The following TMC8 variants were observed in gnomAD, a reference collection of about 807,000 sequenced individuals.
TMC8 encodes the protein transmembrane channel like 8.
TMC8 carries 71 observed loss-of-function variants against 76.0 expected under a neutral mutation model. The ratio of observed to expected loss-of-function variants is 0.93; its 90% CI spans 0.77 to 1.14. TMC8 has a LOEUF of 1.14. Among genes scored for constraint, TMC8 ranks in the 50% most tolerant of loss-of-function variants. TMC8 has a pLI of 0.00. For missense variants in TMC8, 924 were observed against 947.9 expected (o/e 0.97, Z 0.33); for synonymous variants, 433 against 433.8 (o/e 1.00, Z 0.02).
In TMC8 at chr17:78,140,936, TCG is replaced by T. The variant is rs768768678; in HGVS notation, c.2009_2010del (p.Arg670ProfsTer140). On this transcript the variant is annotated frameshift_variant, in exon 16 of 16. Coordinates refer to ENST00000318430, the MANE Select transcript of TMC8 (RefSeq NM_152468.5). LOFTEE classifies it low-confidence loss of function (END_TRUNC). ...PGPKYPASQA[S>X]RPQSFCPGCP... ...CCCCAAGTACCCTGCCTCCCAAGCTTCGCGCCCGCAGTCCTTCTGCCCCGGAT... is the reference window on the plus strand; with the variant it reads ...CCCCAAGTACCCTGCCTCCCAAGCTTCGCCCGCAGTCCTTCTGCCCCGGAT... The T allele has an allele frequency of 3.1e-6, 5 of 1,597,100 alleles. No individual in the cohort carries two copies. The South Asian group carries it at 5.6e-5, about 18-fold the overall frequency.
Position 78,138,430 on chromosome 17 carries a change from C to T in TMC8, c.1615C>T (p.Leu539Phe), listed in dbSNP as rs1351153068. 2.5e-6 allele frequency: 4 copies of T among 1,613,030 alleles called. No homozygotes were observed. Among genetic ancestry groups the T allele is most frequent in the Non-Finnish European group, 3.4e-6 (4 of 1,180,018 alleles). The change falls in exon 13 of 16, where the codon CTC (leucine) becomes TTC (phenylalanine). Residue 539 changes from leucine (L) to phenylalanine (F), a missense_variant. Physicochemically the swap from Leu to Phe is conservative, Grantham distance 22. Transcript: ENST00000318430. ...CACCTTCTTCTTCCAGCTAGTGCTC[C>T]TCCTGGGCCTGCTTCTGGCTGCAGT... is the stretch of plus-strand genomic sequence containing the variant. ...SSTFFFQLVL[L>F]LGLLLAAVPL... is the part of the protein sequence containing the mutation.
chr17:78,138,549 G>A (rs1276672840), intron 13 of TMC8, 25 bp from the exon 14 acceptor site: 1 of 1,613,660 alleles, frequency 6.2e-7, no homozygotes, highest in African/African-American at 1.3e-5. Context: ...CCTGATGCCA[G>A]CCCCACTTGG....
At position 78,134,863 on chromosome 17, in the gene TMC8, C is replaced by T. The variant is rs1211511972; in HGVS notation, c.988-7C>T. ...CGCGGGCTCCCCTGACCTGCCTTTTCCCGCAGGAGTCCCTGTTTCTGCTGC... is the reference window on the plus strand; with the variant it reads ...CGCGGGCTCCCCTGACCTGCCTTTTTCCGCAGGAGTCCCTGTTTCTGCTGC... On this transcript the variant is annotated splice_region_variant and splice_polypyrimidine_tract_variant and intron_variant, in intron 8 of 15. Coordinates refer to ENST00000318430, the MANE Select transcript of TMC8 (RefSeq NM_152468.5). 3 of 1,613,808 alleles carry T rather than the reference C, an allele frequency of 1.9e-6. No homozygotes were observed. Among genetic ancestry groups the T allele is most frequent in the Non-Finnish European group, 2.5e-6 (3 of 1,180,002 alleles).
intron 15 of TMC8, 129 bp from the exon 16 acceptor site, chr17:78,140,705 C>T (rs1003579077): frequency 7.0e-6 from 9 of 1,287,818 alleles, no homozygotes; most frequent in Middle Eastern, 2.6e-4. Flanking sequence ...TGGCCTCGGG[C>T]GGGGCGTGGC....
intron 3 of TMC8, 77 bp downstream of exon 3, chr17:78,132,107 A>G (rs1443457599): frequency 6.5e-7 from 1 of 1,528,440 alleles, no homozygotes; most frequent in East Asian, 2.4e-5. Flanking sequence ...GGAGAGTGGC[A>G]TCATCCCACC....
chr17:78,140,960 G>C lies in TMC8; in HGVS notation c.2029G>C (p.Gly677Arg), dbSNP rs374705997. 7 of 1,593,582 alleles carry C rather than the reference G, an allele frequency of 4.4e-6. No individual in the cohort carries two copies. In the African/African-American group the frequency reaches 8.0e-5, roughly 18 times the overall value. ...TTCGCGCCCGCAGTCCTTCTGCCCC[G>C]GATGCCCATGCCCTGGCTCCCCGGG... ...QASRPQSFCP[G>R]CPCPGSPGHQ... The change falls in exon 16 of 16, where the codon GGA becomes CGA. Residue 677 changes from glycine to arginine, a missense_variant. Coordinates refer to ENST00000318430, the MANE Select transcript of TMC8 (RefSeq NM_152468.5).
rs144120533 is a variant in TMC8 at position 78,138,386 on chromosome 17, C to T, written c.1571C>T (p.Pro524Leu). ...AAGAACTCCAGGGCATCTTCGCGGC[C>T]CTTCCGTGCCTCCAGCTCCACCTTC... is the stretch of plus-strand genomic sequence containing the variant. ...LLKNSRASSRPFRASSSTFFF... is the reference protein window; with the variant it reads ...LLKNSRASSRLFRASSSTFFF... The change falls in exon 13 of 16, where the codon CCC (proline) becomes CTC (leucine). Residue 524 changes from proline to leucine, a missense_variant. Pro to Leu is a moderately conservative substitution (Grantham distance 98, BLOSUM62 -3). Coordinates refer to ENST00000318430, the MANE Select transcript of TMC8 (RefSeq NM_152468.5). 3,939 of 1,611,936 alleles carry T rather than the reference C, an allele frequency of 2.4e-3. 12 individuals carry two copies. The highest frequency in any genetic ancestry group is 3.1e-3 in the Non-Finnish European group (3,688 of 1,179,994).
rs749067644 is a variant in TMC8, at chr17:78,132,406, C to T, written c.346C>T (p.Leu116=). 2 of 1,613,026 alleles carry T rather than the reference C, an allele frequency of 1.2e-6. No homozygotes were observed. Among genetic ancestry groups the T allele is most frequent in the Non-Finnish European group, 1.7e-6 (2 of 1,179,728 alleles). Residue 116 remains leucine (L), a synonymous_variant, in exon 4 of 16, where the codon CTG becomes TTG. Coordinates refer to ENST00000318430, the MANE Select transcript of TMC8 (RefSeq NM_152468.5). ...IRSYFTFLRF[L]LLLNLLSLLL... ...GTCCTACTTCACCTTCCTCCGCTTC[C>T]TGCTGCTACTCAACCTGCTGAGCCT... is the stretch of plus-strand genomic sequence containing the variant.
In TMC8 at chr17:78,140,817, A is replaced by G. The variant is rs2075357505; in HGVS notation, c.1903-17A>G. The stretch of plus-strand genomic sequence containing the variant: ...GAAGCAGCGCCTGTCGCAACTCGCC[A>G]CTTGTTCTCCTCACAGCAGGTTCAG... On this transcript the variant is annotated splice_polypyrimidine_tract_variant and intron_variant, in intron 15 of 15. Transcript: ENST00000318430. 6.3e-7 allele frequency: 1 copy of G among 1,599,192 alleles called. No individual in the cohort carries two copies. The highest frequency in any genetic ancestry group is 8.5e-7 in the Non-Finnish European group (1 of 1,174,124).
At position 78,138,110 on chromosome 17, in the gene TMC8, C is replaced by G. The variant is rs2075282787; in HGVS notation, c.1455C>G (p.Thr485=). Residue 485 remains threonine (T), a synonymous_variant, in exon 12 of 16, where the codon ACC becomes ACG. Transcript: ENST00000318430. ...VLDIVAGQTV[T]WMGLFYCPLL... ...ACATCGTGGCGGGGCAGACGGTCAC[C>G]TGGATGGGCCTCTTCTACTGCCCCC... 1 of 1,613,884 alleles carries G rather than the reference C, an allele frequency of 6.2e-7. No individual in the cohort carries two copies. Among genetic ancestry groups the G allele is most frequent in the Non-Finnish European group, 8.5e-7 (1 of 1,180,006 alleles).
Position 78,134,858 on chromosome 17 carries a change from CT to C in TMC8, c.988-8del. On this transcript the variant is annotated splice_polypyrimidine_tract_variant and intron_variant, in intron 8 of 15. Transcript: ENST00000318430. ...CAGCACGCGGGCTCCCCTGACCTGCCTTTTCCCGCAGGAGTCCCTGTTTCTG... is the reference window on the plus strand; with the variant it reads ...CAGCACGCGGGCTCCCCTGACCTGCCTTTCCCGCAGGAGTCCCTGTTTCTG... 6.2e-7 allele frequency: 1 copy of C among 1,613,738 alleles called. No homozygotes were observed.
chr17:78,133,789 C>T, intron 6 of TMC8, 64 bp from the exon 7 acceptor site: 3 of 1,610,116 alleles, frequency 1.9e-6, no homozygotes, highest in Non-Finnish European at 2.5e-6. Context: ...AGAGCCGAGC[C>T]AAGGCTGAGG....
At chr17:78,134,719 C>T (rs2075174734) in intron 8 of TMC8, 151 bp from the exon 9 acceptor site, 4 of 1,504,198 alleles carry the variant, frequency 2.7e-6, no homozygotes, top group African/African-American at 2.8e-5. Context: ...ACTGGATATT[C>T]CCGCCAACTG....
rs538478931 is a variant in TMC8 at position 78,141,803 on chromosome 17, T to C, written c.*691T>C. 1.3e-5 allele frequency: 2 copies of C among 152,404 alleles called. No individual in the cohort carries two copies. The highest frequency in any genetic ancestry group is 4.1e-4 in the South Asian group (2 of 4,830). 9.4% of individuals were successfully genotyped at this position (152,404 alleles called of 1,614,324 possible). On this transcript the variant is annotated 3_prime_UTR_variant, in exon 16 of 16. Transcript: ENST00000318430. ...CAGCCTCTCCCTGGCGGGAATCCTC[T>C]CCGTCCAGTCTTCTAACCTAGCAGC...
intron 12 of TMC8, 40 bp from the exon 13 acceptor site, chr17:78,138,309 T>C (rs2075288442): frequency 6.2e-7 from 1 of 1,610,842 alleles, no homozygotes; most frequent in African/African-American, 1.3e-5. Context: ...GGGGTCTGCA[T>C]AACTCGCTGA....
chr17:78,137,706 C>A lies in TMC8; in HGVS notation c.1252-11C>A, dbSNP rs371291294. Reference sequence around the variant, plus strand: ...GTGAGTGGTGACGGGTCCCCTTCCCCTGCACCCCAGTGCTGGGAGAACTCC... The same window carrying A: ...GTGAGTGGTGACGGGTCCCCTTCCCATGCACCCCAGTGCTGGGAGAACTCC... On this transcript the variant is annotated splice_polypyrimidine_tract_variant and intron_variant, in intron 10 of 15. Transcript: ENST00000318430. The A allele has an allele frequency of 1.4e-5, 23 of 1,611,512 alleles. No homozygotes were observed. Among genetic ancestry groups the A allele is most frequent in the Non-Finnish European group, 1.9e-5 (22 of 1,178,416 alleles).
At chr17:78,134,712 G>A in intron 8 of TMC8, 148 bp downstream of exon 8, 1 of 1,507,804 alleles carries the variant, frequency 6.6e-7, no homozygotes, top group Non-Finnish European at 9.0e-7. Context: ...GGCTCCCACT[G>A]GATATTCCCG....
rs200537277 is a variant in TMC8, at chr17:78,134,496, G to A, written c.919G>A (p.Gly307Arg). Reference sequence around the variant, plus strand: ...CTACCTGCGGGTCAACGTACTCAACGGGCTCCTGGTGGTTGGGGCCATCAG... The same window carrying A: ...CTACCTGCGGGTCAACGTACTCAACAGGCTCCTGGTGGTTGGGGCCATCAG... ...LSYLRVNVLN[G>R]LLVVGAISAI... The change falls in exon 8 of 16, where the codon GGG becomes AGG. Residue 307 changes from glycine to arginine, a missense_variant. Gly to Arg is a moderately radical substitution (Grantham distance 125, BLOSUM62 -2). Coordinates refer to ENST00000318430, the MANE Select transcript of TMC8 (RefSeq NM_152468.5). 31 of 1,614,064 alleles carry A rather than the reference G, an allele frequency of 1.9e-5. No homozygotes were observed. Among genetic ancestry groups the A allele is most frequent in the East Asian group, 2.2e-5 (1 of 44,870 alleles).
intron 8 of TMC8, 65 bp from the exon 9 acceptor site, chr17:78,134,805 G>C: frequency 3.1e-6 from 5 of 1,606,942 alleles, no homozygotes; most frequent in Non-Finnish European, 3.4e-6. Flanking sequence ...AGGGCACTGT[G>C]GGGGGCGGGG....
Sources: gnomAD v4.1 joint callset for allele counts on GRCh38, gnomAD v4.1.1 for gene constraint, MANE v1.5 for transcripts, NCBI Gene and HGNC (gene_info 2026-07-23, HGNC 2026-07-21) for gene names.